ZMIZ1: variants seen among roughly 807,000 people sequenced by gnomAD.
ZMIZ1 encodes the protein zinc finger MIZ domain-containing protein 1.
ZMIZ1 carries 17 observed loss-of-function variants against 113.9 expected under a neutral mutation model. The ratio of observed to expected loss-of-function variants is 0.15; its 90% CI spans 0.10 to 0.22. The LOEUF is 0.22. Ranked by LOEUF, ZMIZ1 falls within the 10% of genes least tolerant of loss-of-function variation. The pLI is 1.00. For synonymous variants in ZMIZ1, 607 were observed against 603.1 expected (o/e 1.01, Z -0.09); for missense variants, 1,059 against 1,477.8 (o/e 0.72, Z 4.65).
chr10:79,189,255 AC>A (rs1236193030), intron 4 of ZMIZ1, among the ~76,000 whole-genome samples: 1 of 152,014 alleles, frequency 6.6e-6, no homozygotes, highest in Non-Finnish European at 1.5e-5. Context: ...AGCTGCAACC[AC>A]CCAGGACTTC....
At chr10:79,309,214 G>A (rs887077679) in intron 23 of ZMIZ1, among the ~76,000 whole-genome samples, 2 of 152,246 alleles carry the variant, frequency 1.3e-5, no homozygotes, top group Non-Finnish European at 2.9e-5. Context: ...ATACTTGGTG[G>A]CGGGTTGACA....
chr10:79,170,699 A>C (rs182800733), intron 4 of ZMIZ1, among the ~76,000 whole-genome samples: 8 of 152,326 alleles, frequency 5.3e-5, no homozygotes, highest in Admixed American at 2.0e-4. Flanking sequence ...GAAAGCCTGC[A>C]GCATTGGAAC....
At chr10:79,100,371 C>T (rs951516206) in intron 1 of ZMIZ1, among the ~76,000 whole-genome samples, 2 of 145,504 alleles carry the variant, frequency 1.4e-5, no homozygotes, top group African/African-American at 2.6e-5. Flanking sequence ...TTTGGGAGGT[C>T]AAGGTGGGAG....
Position 79,291,125 on chromosome 10 carries a change from A to G in ZMIZ1, c.707A>G (p.Gln236Arg), listed in dbSNP as rs781311459. The G allele has an allele frequency of 1.9e-6, 3 of 1,614,032 alleles. No individual in the cohort carries two copies. Among genetic ancestry groups the G allele is most frequent in the Non-Finnish European group, 2.5e-6 (3 of 1,179,936 alleles). Residue 236 changes from glutamine to arginine, a missense_variant, in exon 10 of 25, where the codon CAG becomes CGG. By Grantham distance (43) the Gln-to-Arg change is conservative. Around this residue, in one of 6 missense-constraint regions of ZMIZ1, gnomAD observed 272 missense variants for 350.4 expected, o/e 0.78. Coordinates refer to ENST00000334512, the MANE Select transcript of ZMIZ1 (RefSeq NM_020338.4). The stretch of plus-strand genomic sequence containing the variant: ...GGCCCCGCTCAGCCCTACATCCAGC[A>G]GAGCATGTATGGCCGGCCCAACTAC... ...KAGPAQPYIQ[Q>R]SMYGRPNYPG... is the part of the protein sequence containing the mutation.
chr10:79,240,636 A>ATTTTTT (rs1589466733), intron 7 of ZMIZ1, among the ~76,000 whole-genome samples: 7 of 78,522 alleles, frequency 8.9e-5, no homozygotes, highest in African/African-American at 4.7e-4. Flanking sequence ...AAGAGTATTT[A>ATTTTTT]TCTTTTTTTT....
chr10:79,146,843 T>C (rs1449912012), intron 3 of ZMIZ1, among the ~76,000 whole-genome samples: 1 of 152,118 alleles, frequency 6.6e-6, no homozygotes, highest in Non-Finnish European at 1.5e-5. Flanking sequence ...AGGGCATTCT[T>C]CTGGGTGAAG....
intron 7 of ZMIZ1, among the ~76,000 whole-genome samples, chr10:79,242,987 G>T (rs986062965): frequency 5.3e-5 from 8 of 151,370 alleles, no homozygotes; most frequent in African/African-American, 1.9e-4. Context: ...CGGGCGGCGG[G>T]CTGGGGGGCG....
At chr10:79,152,328 G>A in intron 3 of ZMIZ1, among the ~76,000 whole-genome samples, 1 of 152,150 alleles carries the variant, frequency 6.6e-6, no homozygotes, top group East Asian at 1.9e-4. Flanking sequence ...GCAAAACCCT[G>A]TCTCTACAAA....
intron 2 of ZMIZ1, among the ~76,000 whole-genome samples, chr10:79,139,094 T>C (rs557395121): frequency 5.9e-5 from 9 of 152,266 alleles, no homozygotes; most frequent in African/African-American, 2.2e-4. Flanking sequence ...GCCCTGAACC[T>C]TGTAGGAGGG....
At chr10:79,082,698 C>A (rs1866160) in intron 1 of ZMIZ1, among the ~76,000 whole-genome samples, 1 of 152,194 alleles carries the variant, frequency 6.6e-6, no homozygotes, top group Non-Finnish European at 1.5e-5. Flanking sequence ...CCTTCCCAGG[C>A]TTTGTGTGGA....
chr10:79,093,650 C>A (rs2012869), intron 1 of ZMIZ1, among the ~76,000 whole-genome samples: 46,593 of 152,000 alleles, frequency 0.31, 7,283 homozygotes, highest in African/African-American at 0.32. Flanking sequence ...TACACACATG[C>A]GTACGTGATG....
chr10:79,312,270 C>T (rs78123829), intron 24 of ZMIZ1, among the ~76,000 whole-genome samples: 3,980 of 152,368 alleles, frequency 0.026, 75 homozygotes, highest in African/African-American at 0.049. Context: ...CAGCCCACCT[C>T]CTTGTGCTTA....
chr10:79,137,448 A>T (rs1003680808), intron 2 of ZMIZ1, among the ~76,000 whole-genome samples: 2 of 151,984 alleles, frequency 1.3e-5, no homozygotes, highest in Non-Finnish European at 2.9e-5. Context: ...TGCTGCTCCT[A>T]CTCACCCGGA....
rs45448995 is a variant in ZMIZ1, at chr10:79,315,351, G to A, written c.*2602G>A. On this transcript the variant is annotated 3_prime_UTR_variant, in exon 25 of 25. Transcript: ENST00000334512. ...GTTGTGACAGGTGCAGGTAGACAAC[G>A]CCCATAAACAGAGATGGTCCTGAAC... 0.018 allele frequency: 2,678 copies of A among 152,956 alleles called. 34 individuals carry two copies. The highest frequency in any genetic ancestry group is 0.03 in the Middle Eastern group (9 of 296). 9.5% of individuals were successfully genotyped at this position (152,956 alleles called of 1,614,324 possible). A position where few individuals can be genotyped will look rare whatever the true frequency, so the allele number is the denominator to read the frequency against.
chr10:79,099,190 C>T (rs1014434530), intron 1 of ZMIZ1, among the ~76,000 whole-genome samples: 4 of 152,174 alleles, frequency 2.6e-5, no homozygotes, highest in East Asian at 3.9e-4. Flanking sequence ...CTTGGGTGTG[C>T]GCACATTCTG....
chr10:79,184,278 C>A (rs1688144726), intron 4 of ZMIZ1, among the ~76,000 whole-genome samples: 1 of 152,198 alleles, frequency 6.6e-6, no homozygotes, highest in African/African-American at 2.4e-5. Flanking sequence ...CTGCCCCTGC[C>A]TCTCCTTCCA....
At chr10:79,275,638 T>C (rs1035945873) in intron 7 of ZMIZ1, among the ~76,000 whole-genome samples, 6 of 152,226 alleles carry the variant, frequency 3.9e-5, no homozygotes, top group Non-Finnish European at 8.8e-5. Flanking sequence ...GAGGGGTTCC[T>C]TATTGAGTCA....
At position 79,315,423 on chromosome 10, in the gene ZMIZ1, A is replaced by G. The variant is rs1280935035; in HGVS notation, c.*2674A>G. 3 of 152,946 alleles carry G rather than the reference A, an allele frequency of 2.0e-5. No individual in the cohort carries two copies. The highest frequency in any genetic ancestry group is 2.1e-4 in the South Asian group (1 of 4,828). The allele number at this position is 152,946 out of a possible 1,614,324, so 9.5% of individuals were successfully genotyped here. A position where few individuals can be genotyped will look rare whatever the true frequency, so the allele number is the denominator to read the frequency against. ...TCCTTTCGGACGACTACTTGGAGCCATAAGTAACCTCAGCAAAAACGAGGC... is the reference window on the plus strand; with the variant it reads ...TCCTTTCGGACGACTACTTGGAGCCGTAAGTAACCTCAGCAAAAACGAGGC... On this transcript the variant is annotated 3_prime_UTR_variant, in exon 25 of 25. Coordinates refer to ENST00000334512, the MANE Select transcript of ZMIZ1 (RefSeq NM_020338.4).
intron 3 of ZMIZ1, among the ~76,000 whole-genome samples, chr10:79,146,964 GTGTGTGTGTA>G (rs1335068803): frequency 1.5e-5 from 2 of 133,074 alleles, no homozygotes; most frequent in South Asian, 2.5e-4. Flanking sequence ...GTGTGTGTGT[GTGTGTGTGTA>G]TATCCCTGTC....
Sources: gnomAD v4.1 joint callset for allele counts (sites outside exome capture counted in the v4.1 genomes callset) on GRCh38, gnomAD v4.1.1 for gene constraint, gnomAD v4.1.1 regional missense constraint, MANE v1.5 for transcripts, NCBI Gene and HGNC (gene_info 2026-07-23, HGNC 2026-07-21) for gene names.